The following COL4A5 variants were observed in gnomAD, a reference collection of about 807,000 sequenced individuals.
COL4A5 encodes collagen type IV alpha 5 chain.
Under a neutral mutation model 130.2 loss-of-function variants are expected in COL4A5, and 26 were observed. The ratio of observed to expected loss-of-function variants is 0.20; its 90% CI spans 0.15 to 0.28. COL4A5 has a LOEUF of 0.28. Among genes scored for constraint, COL4A5 ranks in the 10% least tolerant of loss-of-function variants. The probability of loss-of-function intolerance (pLI) is 1.00; values close to 1 mark genes in which losing one functional copy is unlikely to be tolerated. For synonymous variants in COL4A5, 496 were observed against 439.6 expected (o/e 1.13, Z -1.60); for missense variants, 1,131 against 1,344.3 (o/e 0.84, Z 2.48).
intron 36 of COL4A5, among the ~76,000 whole-genome samples, chrX:108,655,057 G>A (rs1176921475): frequency 9.0e-6 from 1 of 111,461 alleles, no homozygotes; most frequent in African/African-American, 3.3e-5. Context: ...AGTCTGATTG[G>A]CTACATAGCT....
chrX:108,442,652 A>T (rs969872713), intron 1 of COL4A5, among the ~76,000 whole-genome samples: 2 of 111,275 alleles, frequency 1.8e-5, no homozygotes, highest in African/African-American at 6.5e-5. Flanking sequence ...CCTTGTGACC[A>T]GCGGCACGAA....
intron 1 of COL4A5, among the ~76,000 whole-genome samples, chrX:108,471,055 G>T (rs2147507861): frequency 8.9e-6 from 1 of 111,865 alleles, no homozygotes; most frequent in South Asian, 3.8e-4. Context: ...TATCCTTGTA[G>T]TGTAGTTTGA....
intron 21 of COL4A5, among the ~76,000 whole-genome samples, chrX:108,592,353 C>T (rs1289149336): frequency 4.5e-5 from 5 of 110,988 alleles, no homozygotes; most frequent in Non-Finnish European, 7.6e-5. Flanking sequence ...GCCTCTCCGA[C>T]ATCACCAATT....
At chrX:108,629,744 G>A (rs141676276) in intron 36 of COL4A5, among the ~76,000 whole-genome samples, 2,760 of 110,671 alleles carry the variant, frequency 0.025, 83 homozygotes, top group African/African-American at 0.087. Context: ...TACATGTGCC[G>A]TATTGGTTTG....
At chrX:108,572,715 C>T (rs770457971) in intron 8 of COL4A5, among the ~76,000 whole-genome samples, 3 of 111,685 alleles carry the variant, frequency 2.7e-5, no homozygotes, top group African/African-American at 9.7e-5. Flanking sequence ...CCCTTACCTC[C>T]CATCCTGTTT....
rs1231504515 is a variant in COL4A5, at chrX:108,493,287, ACT to A, written c.82-46455_82-46454del. Reference sequence around the variant, plus strand: ...AAAATAGAGAACACCATGGGGAAAGACTCTCAATTTTATTAACTAAGTATGGT... The same window carrying A: ...AAAATAGAGAACACCATGGGGAAAGACTCAATTTTATTAACTAAGTATGGT... On this transcript the variant is annotated intron_variant, in intron 1 of 52. Coordinates refer to ENST00000328300, the MANE Select transcript of COL4A5 (RefSeq NM_033380.3). 5.4e-5 allele frequency among the ~76,000 whole-genome samples: 6 copies of A among 111,211 alleles called. No individual in the cohort carries two copies. In the Admixed American group the frequency reaches 5.8e-4, roughly 11 times the overall value.
At chrX:108,601,127 A>T (rs1258647646) in intron 25 of COL4A5, among the ~76,000 whole-genome samples, 1 of 111,330 alleles carries the variant, frequency 9.0e-6, no homozygotes, top group Non-Finnish European at 1.9e-5. Flanking sequence ...CTCTTAATCT[A>T]GTCATGTTGA....
chrX:108,692,003 G>A (rs986803250), intron 49 of COL4A5, among the ~76,000 whole-genome samples: 1 of 111,182 alleles, frequency 9.0e-6, no homozygotes, highest in African/African-American at 3.3e-5. Flanking sequence ...CTTAATACTG[G>A]CACAGTATCA....
chrX:108,530,967 C>A (rs2065376920), intron 1 of COL4A5, among the ~76,000 whole-genome samples: 2 of 99,050 alleles, frequency 2.0e-5, no homozygotes, highest in Admixed American at 1.1e-4. Flanking sequence ...CCCAAATGTC[C>A]AACAATGATA....
chrX:108,540,462 C>A (rs763497537), intron 2 of COL4A5, among the ~76,000 whole-genome samples: 3 of 109,382 alleles, frequency 2.7e-5, no homozygotes, highest in Non-Finnish European at 5.7e-5. Flanking sequence ...TTTGTTTTTT[C>A]GTTTTTGAGA....
At chrX:108,445,490 A>C (rs1398252882) in intron 1 of COL4A5, among the ~76,000 whole-genome samples, 1 of 112,334 alleles carries the variant, frequency 8.9e-6, no homozygotes, top group Non-Finnish European at 1.9e-5. Context: ...CACTATGGCT[A>C]AAACCAAATA....
intron 1 of COL4A5, among the ~76,000 whole-genome samples, chrX:108,455,905 G>A (rs1237166468): frequency 2.7e-5 from 3 of 111,501 alleles, no homozygotes; most frequent in Non-Finnish European, 3.8e-5. Flanking sequence ...GGTAGCATAA[G>A]TCCTTTACAT....
At chrX:108,625,860 T>G in intron 35 of COL4A5, 66 bp downstream of exon 35, 2 of 846,613 alleles carry the variant, frequency 2.4e-6, no homozygotes, top group Non-Finnish European at 3.5e-6. Flanking sequence ...ATCTCTTTTT[T>G]TGTCAGAAAA....
chrX:108,473,875 G>A (rs977631786), intron 1 of COL4A5, among the ~76,000 whole-genome samples: 2 of 106,992 alleles, frequency 1.9e-5, no homozygotes, highest in African/African-American at 6.8e-5. Context: ...CAAGTGATCT[G>A]CCTGCCTCTG....
intron 42 of COL4A5, among the ~76,000 whole-genome samples, chrX:108,672,773 T>C (rs1031079780): frequency 8.9e-6 from 1 of 111,949 alleles, no homozygotes; most frequent in East Asian, 2.8e-4. Flanking sequence ...CAATGAAATA[T>C]TTTGCTGAGA....
chrX:108,577,747 A>G (rs1422921409), intron 10 of COL4A5, among the ~76,000 whole-genome samples: 2 of 110,983 alleles, frequency 1.8e-5, no homozygotes, highest in Non-Finnish European at 3.8e-5. Context: ...TCTCTTGCCC[A>G]TTTCTATTTT....
At chrX:108,567,394 G>A (rs368981557) in intron 4 of COL4A5, among the ~76,000 whole-genome samples, 1 of 111,862 alleles carries the variant, frequency 8.9e-6, no homozygotes, top group Non-Finnish European at 1.9e-5. Context: ...ATAAGACAAG[G>A]TGTAGTCAGA....
intron 37 of COL4A5, among the ~76,000 whole-genome samples, chrX:108,660,739 A>G (rs1376101407): frequency 9.0e-6 from 1 of 111,091 alleles, no homozygotes. Flanking sequence ...CCCTCTATTC[A>G]TTAATATTCC....
intron 1 of COL4A5, among the ~76,000 whole-genome samples, chrX:108,460,302 T>C (rs1278557285): frequency 2.7e-5 from 3 of 111,945 alleles, no homozygotes; most frequent in African/African-American, 9.8e-5. Flanking sequence ...AATTAAGCTA[T>C]ACATTTTTCT....
Sources: allele counts gnomAD v4.1 joint callset (sites outside exome capture counted in the v4.1 genomes callset), GRCh38; gene constraint gnomAD v4.1.1; transcripts MANE v1.5; gene names NCBI Gene and HGNC (gene_info 2026-07-23, HGNC 2026-07-21).